The following LSAMP variants were observed in gnomAD, a reference collection of about 807,000 sequenced individuals.
The protein encoded by LSAMP is limbic system-associated membrane protein.
A neutral mutation model predicts 38.6 loss-of-function variants in LSAMP; 7 were observed. That is an observed-to-expected ratio of 0.18 (90% CI 0.10 to 0.34). The LOEUF is 0.34. LSAMP is among the 10% of genes least tolerant of loss of function. The probability of loss-of-function intolerance (pLI) is 1.00; values close to 1 mark genes in which losing one functional copy is unlikely to be tolerated. For missense variants in LSAMP, 313 were observed against 420.0 expected (o/e 0.75, Z 2.23); for synonymous variants, 154 against 166.8 (o/e 0.92, Z 0.59).
At chr3:116,202,101 C>T (rs749397860) in intron 1 of LSAMP, among the ~76,000 whole-genome samples, 1 of 151,508 alleles carries the variant, frequency 6.6e-6, no homozygotes, top group South Asian at 2.1e-4. Context: ...CTCTTCTCTC[C>T]TCTCCTCTCC....
intron 3 of LSAMP, among the ~76,000 whole-genome samples, chr3:115,972,265 T>C (rs766421247): frequency 6.6e-6 from 1 of 151,904 alleles, no homozygotes; most frequent in South Asian, 2.1e-4. Flanking sequence ...AACTAAATCA[T>C]ATGAAAAGGA....
In LSAMP at chr3:115,810,259, G is replaced by C. The variant is rs562323150; in HGVS notation, c.*58C>G. The C allele has an allele frequency of 1.3e-4, 139 of 1,083,416 alleles. No homozygotes were observed. The highest frequency in any genetic ancestry group is 1.0e-3 in the Admixed American group (47 of 45,556). 67.1% of individuals were successfully genotyped at this position (1,083,416 alleles called of 1,614,324 possible). Reference sequence around the variant, plus strand: ...TCTCTCTCTCTGTCTCTCTCTCTCTGTATTCTGTGTGACGCATTTTTGTGT... The same window carrying C: ...TCTCTCTCTCTGTCTCTCTCTCTCTCTATTCTGTGTGACGCATTTTTGTGT... On this transcript the variant is annotated 3_prime_UTR_variant, in exon 7 of 7. Coordinates refer to ENST00000490035, the MANE Select transcript of LSAMP (RefSeq NM_002338.5).
intron 3 of LSAMP, among the ~76,000 whole-genome samples, chr3:115,878,672 G>A (rs535118471): frequency 1.4e-4 from 21 of 151,730 alleles, no homozygotes; most frequent in African/African-American, 3.4e-4. Flanking sequence ...ATGTTGGCCC[G>A]GCTGCTCTAG....
chr3:116,179,966 G>A (rs1184047321), intron 1 of LSAMP, among the ~76,000 whole-genome samples: 2 of 152,210 alleles, frequency 1.3e-5, no homozygotes, highest in East Asian at 1.9e-4. Context: ...GGCCAAAGAA[G>A]TAGTATTTGT....
intron 1 of LSAMP, among the ~76,000 whole-genome samples, chr3:116,164,727 CAA>C (rs1185868000): frequency 8.3e-5 from 9 of 108,060 alleles, no homozygotes; most frequent in Non-Finnish European, 1.1e-4. Context: ...ATATATAATC[CAA>C]ATATATATAT....
intron 2 of LSAMP, among the ~76,000 whole-genome samples, chr3:116,039,205 T>G (rs1941112932): frequency 6.6e-6 from 1 of 152,240 alleles, no homozygotes; most frequent in South Asian, 2.1e-4. Flanking sequence ...ATTGAATGTT[T>G]TCACATAAGC....
intron 1 of LSAMP, among the ~76,000 whole-genome samples, chr3:116,153,024 G>A (rs1455361986): frequency 6.6e-6 from 1 of 151,954 alleles, no homozygotes; most frequent in Non-Finnish European, 1.5e-5. Context: ...TACTCTCAAT[G>A]TTTGCTTTCT....
intron 1 of LSAMP, among the ~76,000 whole-genome samples, chr3:116,089,488 G>C (rs1359435684): frequency 6.6e-6 from 1 of 152,130 alleles, no homozygotes; most frequent in African/African-American, 2.4e-5. Flanking sequence ...CTCCCGAGTA[G>C]CTGGCACTAC....
At chr3:116,088,616 T>C (rs949679025) in intron 1 of LSAMP, among the ~76,000 whole-genome samples, 1 of 152,216 alleles carries the variant, frequency 6.6e-6, no homozygotes, top group African/African-American at 2.4e-5. Flanking sequence ...GATAGAAATT[T>C]ACCTGTGTAA....
At chr3:116,226,491 C>A (rs112949851) in intron 1 of LSAMP, among the ~76,000 whole-genome samples, 3 of 152,194 alleles carry the variant, frequency 2.0e-5, no homozygotes, top group African/African-American at 7.2e-5. Context: ...TCTCTGTCAG[C>A]GACACCATCC....
At chr3:116,144,215 C>T (rs968692930) in intron 1 of LSAMP, among the ~76,000 whole-genome samples, 1 of 151,938 alleles carries the variant, frequency 6.6e-6, no homozygotes, top group African/African-American at 2.4e-5. Context: ...TATGCTTCCA[C>T]TTAAGCTCAT....
intron 1 of LSAMP, among the ~76,000 whole-genome samples, chr3:116,285,186 A>C (rs1168042265): frequency 6.6e-6 from 1 of 151,994 alleles, no homozygotes; most frequent in Non-Finnish European, 1.5e-5. Flanking sequence ...CCCCATCCCC[A>C]TTTGCACCAG....
intron 6 of LSAMP, among the ~76,000 whole-genome samples, chr3:115,813,185 G>C (rs1445665451): frequency 6.6e-6 from 1 of 151,998 alleles, no homozygotes; most frequent in East Asian, 1.9e-4. Context: ...ATTATATACA[G>C]TCATATGCTA....
intron 2 of LSAMP, among the ~76,000 whole-genome samples, chr3:116,080,319 C>A (rs1009918952): frequency 2.0e-5 from 3 of 152,294 alleles, no homozygotes; most frequent in African/African-American, 7.2e-5. Flanking sequence ...TGAGCCAACT[C>A]TTGTGCCACT....
chr3:116,309,084 G>A (rs960166560), intron 1 of LSAMP, among the ~76,000 whole-genome samples: 3 of 151,860 alleles, frequency 2.0e-5, no homozygotes, highest in African/African-American at 4.8e-5. Flanking sequence ...GAGTTCCTAC[G>A]GAACACAATA....
intron 1 of LSAMP, among the ~76,000 whole-genome samples, chr3:116,304,432 A>T (rs1260357887): frequency 6.6e-6 from 1 of 152,120 alleles, no homozygotes; most frequent in Non-Finnish European, 1.5e-5. Context: ...TACAGGGAAA[A>T]CCTTTTGAAA....
chr3:115,909,984 C>T (rs1937099481), intron 3 of LSAMP, among the ~76,000 whole-genome samples: 1 of 152,126 alleles, frequency 6.6e-6, no homozygotes, highest in African/African-American at 2.4e-5. Flanking sequence ...TCGTGTAAGT[C>T]ATTGACGCAA....
intron 1 of LSAMP, among the ~76,000 whole-genome samples, chr3:116,230,697 G>T (rs1425850000): frequency 6.6e-6 from 1 of 152,086 alleles, no homozygotes; most frequent in Non-Finnish European, 1.5e-5. Flanking sequence ...TTCACCAATT[G>T]CTGCCTCAGC....
chr3:116,241,605 A>G (rs1317737601), intron 1 of LSAMP, among the ~76,000 whole-genome samples: 1 of 152,126 alleles, frequency 6.6e-6, no homozygotes, highest in Non-Finnish European at 1.5e-5. Context: ...GGTGTGCAAA[A>G]TGTCTTAGTA....
Sources: gnomAD v4.1 joint callset for allele counts (sites outside exome capture counted in the v4.1 genomes callset) on GRCh38, gnomAD v4.1.1 for gene constraint, MANE v1.5 for transcripts, NCBI Gene and HGNC (gene_info 2026-07-23, HGNC 2026-07-21) for gene names.